The following SYT10 variants were observed in gnomAD, a reference collection of about 807,000 sequenced individuals.
SYT10 encodes the protein synaptotagmin-10.
In SYT10, 31 loss-of-function variants were observed where a neutral mutation model predicts 51.1. That is an observed-to-expected ratio of 0.61 (90% CI 0.46 to 0.82). SYT10 has a LOEUF of 0.82. Ranked by LOEUF, SYT10 falls within the 40% of genes least tolerant of loss-of-function variation. The pLI is 0.00. For synonymous variants in SYT10, 233 were observed against 225.9 expected (o/e 1.03, Z -0.28); for missense variants, 603 against 634.0 (o/e 0.95, Z 0.53).
chr12:33,386,748 A>G (rs1246352268), intron 3 of SYT10, among the ~76,000 whole-genome samples: 3 of 152,068 alleles, frequency 2.0e-5, no homozygotes, highest in Admixed American at 6.5e-5. Context: ...CACCCAGGAG[A>G]GCAGGGTTCT....
At chr12:33,386,054 C>T (rs1338268587) in intron 3 of SYT10, among the ~76,000 whole-genome samples, 1 of 152,036 alleles carries the variant, frequency 6.6e-6, no homozygotes, top group Non-Finnish European at 1.5e-5. Context: ...AACAGAGTCT[C>T]GCTCTGTTGC....
intron 6 of SYT10, among the ~76,000 whole-genome samples, chr12:33,379,590 A>G (rs1866096163): frequency 6.7e-6 from 1 of 149,150 alleles, no homozygotes; most frequent in Non-Finnish European, 1.5e-5. Context: ...AGAGACTTGC[A>G]AATGGCTTAC....
At position 33,375,141 on chromosome 12, in the gene SYT10, A is replaced by G. The variant is rs543470187; in HGVS notation, c.*1689T>C. The G allele has an allele frequency of 4.7e-4, 71 of 152,140 alleles. No individual in the cohort carries two copies. Among genetic ancestry groups the G allele is most frequent in the African/African-American group, 1.4e-3 (59 of 41,544 alleles). 9.4% of individuals were successfully genotyped at this position (152,140 alleles called of 1,614,324 possible). A position where few individuals can be genotyped will look rare whatever the true frequency, so the allele number is the denominator to read the frequency against. ...CTTTCTTCTATTATTTTCAATGAGA[A>G]AATGTTAGCTAGGAGTACCTGTTTT... is the stretch of plus-strand genomic sequence containing the variant. On this transcript the variant is annotated 3_prime_UTR_variant, in exon 7 of 7. Coordinates refer to ENST00000228567, the MANE Select transcript of SYT10 (RefSeq NM_198992.4).
At chr12:33,421,784 A>G (rs1388873234) in intron 2 of SYT10, among the ~76,000 whole-genome samples, 2 of 152,174 alleles carry the variant, frequency 1.3e-5, no homozygotes, top group Non-Finnish European at 2.9e-5. Context: ...AATAAAGGAT[A>G]ATAGTTAATA....
intron 2 of SYT10, among the ~76,000 whole-genome samples, chr12:33,422,700 C>T (rs1191374680): frequency 6.6e-6 from 1 of 151,932 alleles, no homozygotes; most frequent in Non-Finnish European, 1.5e-5. Flanking sequence ...TGCACATCCT[C>T]TCCCAATTGC....
intron 1 of SYT10, among the ~76,000 whole-genome samples, chr12:33,430,963 G>C (rs553392377): frequency 6.6e-6 from 1 of 152,300 alleles, no homozygotes; most frequent in Non-Finnish European, 1.5e-5. Context: ...AAACAAGATA[G>C]TTTATTTCTC....
rs931513075 is a variant in SYT10, at chr12:33,375,670, G to A, written c.*1160C>T. On this transcript the variant is annotated 3_prime_UTR_variant, in exon 7 of 7. Transcript: ENST00000228567. ...CCTTTCATGCAAGGACTGGAGGCCT[G>A]GGCCTTTAGAATTAATTTGTTTATT... 3.3e-5 allele frequency: 5 copies of A among 152,082 alleles called. No homozygotes were observed. The highest frequency in any genetic ancestry group is 7.4e-5 in the Non-Finnish European group (5 of 67,968). The allele number at this position is 152,082 out of a possible 1,614,324, so 9.4% of individuals were successfully genotyped here.
chr12:33,409,806 C>A (rs762069768), intron 2 of SYT10, among the ~76,000 whole-genome samples: 10 of 151,824 alleles, frequency 6.6e-5, no homozygotes, highest in Non-Finnish European at 1.0e-4. Flanking sequence ...GGCCACAATA[C>A]CATTTGAGAA....
intron 3 of SYT10, among the ~76,000 whole-genome samples, chr12:33,394,735 ATACTCAT>A (rs1282264538): frequency 6.6e-6 from 1 of 152,236 alleles, no homozygotes; most frequent in East Asian, 1.9e-4. Context: ...TAATTAAAGG[ATACTCAT>A]TAGCATTTTA....
At chr12:33,438,421 T>A (rs1434313988) in intron 1 of SYT10, among the ~76,000 whole-genome samples, 2 of 152,180 alleles carry the variant, frequency 1.3e-5, no homozygotes, top group African/African-American at 4.8e-5. Context: ...AACTCGGGGA[T>A]CCACCTCGCG....
chr12:33,393,859 G>T (rs546596805), intron 3 of SYT10, among the ~76,000 whole-genome samples: 1 of 152,134 alleles, frequency 6.6e-6, no homozygotes, highest in Non-Finnish European at 1.5e-5. Flanking sequence ...CATATAGTAC[G>T]TGCCTTCATT....
intron 3 of SYT10, among the ~76,000 whole-genome samples, chr12:33,396,906 G>A (rs1304076895): frequency 6.6e-6 from 1 of 152,136 alleles, no homozygotes; most frequent in East Asian, 1.9e-4. Flanking sequence ...CCAAAGTGCT[G>A]GGATTACAGG....
chr12:33,433,536 G>A (rs189284694), intron 1 of SYT10, among the ~76,000 whole-genome samples: 15 of 152,160 alleles, frequency 9.9e-5, no homozygotes, highest in South Asian at 2.1e-4. Flanking sequence ...GTTCAAAGTC[G>A]TGCATTTCAA....
intron 3 of SYT10, among the ~76,000 whole-genome samples, chr12:33,399,517 A>T (rs973394947): frequency 4.6e-5 from 7 of 152,212 alleles, no homozygotes; most frequent in Admixed American, 3.9e-4. Context: ...TGAAAGTAAA[A>T]GTAGTCAAAA....
intron 3 of SYT10, 37 bp downstream of exon 3, chr12:33,406,752 A>T: frequency 6.6e-7 from 1 of 1,515,542 alleles, no homozygotes; most frequent in South Asian, 1.3e-5. Flanking sequence ...ATTGTAAGTC[A>T]AATAAAAAAC....
At chr12:33,405,992 T>C (rs926681972) in intron 3 of SYT10, 5 of 151,862 alleles carry the variant, frequency 3.3e-5, no homozygotes, top group African/African-American at 1.2e-4. Flanking sequence ...AAAACAAATA[T>C]AGAATGAAAG....
chr12:33,439,327 G>C, intron 1 of SYT10, 45 bp downstream of exon 1: 1 of 1,580,684 alleles, frequency 6.3e-7, no homozygotes, highest in Non-Finnish European at 8.6e-7. Context: ...TAGCGCGCGG[G>C]GTCCCAGCGG....
intron 3 of SYT10, among the ~76,000 whole-genome samples, chr12:33,401,699 T>C (rs1415557512): frequency 1.3e-5 from 2 of 152,192 alleles, no homozygotes; most frequent in Non-Finnish European, 2.9e-5. Context: ...ATTAACAAAG[T>C]ACACCTAAGC....
At chr12:33,413,018 G>A (rs530518268) in intron 2 of SYT10, among the ~76,000 whole-genome samples, 3 of 152,216 alleles carry the variant, frequency 2.0e-5, no homozygotes, top group Non-Finnish European at 4.4e-5. Context: ...ACCACGGCAC[G>A]AGAACTACGT....
Sources: gnomAD v4.1 joint callset for allele counts (sites outside exome capture counted in the v4.1 genomes callset) on GRCh38, gnomAD v4.1.1 for gene constraint, MANE v1.5 for transcripts, NCBI Gene and HGNC (gene_info 2026-07-23, HGNC 2026-07-21) for gene names.